The following DDX31 variants were observed in gnomAD, a reference collection of about 807,000 sequenced individuals.
DDX31 encodes ATP-dependent DNA helicase DDX31.
A neutral mutation model predicts 91.3 loss-of-function variants in DDX31; 70 were observed. The ratio of observed to expected loss-of-function variants is 0.77; its 90% CI spans 0.63 to 0.94. The LOEUF (loss-of-function observed/expected upper bound fraction) is 0.94, where lower values mean the gene tolerates loss of function less well. Ranked by LOEUF, DDX31 falls within the 40% of genes least tolerant of loss-of-function variation. The probability of loss-of-function intolerance (pLI) is 0.00; values close to 1 mark genes in which losing one functional copy is unlikely to be tolerated. For missense variants in DDX31, 902 were observed against 925.0 expected, an observed-to-expected ratio of 0.98 and a Z score of 0.32; for synonymous variants, 362 against 350.6, an observed-to-expected ratio of 1.03 and a Z score of -0.36.
intron 18 of DDX31, among the ~76,000 whole-genome samples, chr9:132,615,998 G>T (rs1174231971): frequency 6.6e-6 from 1 of 152,240 alleles, no homozygotes; most frequent in Non-Finnish European, 1.5e-5. Context: ...AGTCAATAGT[G>T]GGGAATTTGC....
intron 19 of DDX31, among the ~76,000 whole-genome samples, chr9:132,605,573 C>T (rs1330449827): frequency 2.0e-5 from 3 of 152,150 alleles, no homozygotes; most frequent in African/African-American, 7.2e-5. Context: ...GCTATACTTT[C>T]GAGGAGGGGC....
rs1384476168 is a variant in DDX31 at position 132,642,013 on chromosome 9, A to G, written c.1431T>C (p.Leu477=). 1 of 1,614,130 alleles carries G rather than the reference A, an allele frequency of 6.2e-7. No homozygotes were observed. Among genetic ancestry groups the G allele is most frequent in the Non-Finnish European group, 8.5e-7 (1 of 1,179,952 alleles). ...QEFSHSRRGV[L]LCTDVAARGL... is the part of the protein sequence containing the mutation. Reference sequence around the variant, plus strand: ...ACAGGAGGATACGTACCGTGCAAAGAAGGACGCCTCTTCTGGAATGTGAAA... The same window carrying G: ...ACAGGAGGATACGTACCGTGCAAAGGAGGACGCCTCTTCTGGAATGTGAAA... Residue 477 remains leucine (L), a synonymous_variant, in exon 14 of 20, where the codon CTT becomes CTC. Coordinates refer to ENST00000372159, the MANE Select transcript of DDX31 (RefSeq NM_022779.9).
Position 132,646,055 on chromosome 9 carries a change from T to C in DDX31, c.1220A>G (p.Lys407Arg). 1 of 1,614,068 alleles carries C rather than the reference T, an allele frequency of 6.2e-7. No individual in the cohort carries two copies. The highest frequency in any genetic ancestry group is 8.5e-7 in the Non-Finnish European group (1 of 1,179,960). The change falls in exon 13 of 20, where the codon AAG becomes AGG. Residue 407 changes from lysine (K) to arginine (R), a missense_variant. By Grantham distance (26) the Lys-to-Arg change is conservative (BLOSUM62 2). Coordinates refer to ENST00000372159, the MANE Select transcript of DDX31 (RefSeq NM_022779.9). ...GCAACTTGAGAAAAAGACAACCATC[T>C]TCTGGTCTTCCTCAAACTACATCGA... ...LQKCKFEEDQ[K>R]MVVFFSSCEL...
chr9:132,660,717 G>A (rs558683145), intron 4 of DDX31, among the ~76,000 whole-genome samples: 1 of 152,186 alleles, frequency 6.6e-6, no homozygotes, highest in Non-Finnish European at 1.5e-5. Flanking sequence ...ATGCACAGAA[G>A]CACAAATACT....
intron 19 of DDX31, among the ~76,000 whole-genome samples, chr9:132,606,277 G>T (rs1831016622): frequency 6.6e-6 from 1 of 152,214 alleles, no homozygotes; most frequent in Non-Finnish European, 1.5e-5. Context: ...CTAATTAAGT[G>T]ATATTAGGGA....
At chr9:132,629,835 C>T (rs1263577576) in intron 16 of DDX31, among the ~76,000 whole-genome samples, 1 of 152,118 alleles carries the variant, frequency 6.6e-6, no homozygotes, top group Non-Finnish European at 1.5e-5. Context: ...AATCATTTCC[C>T]CTGGGTTCAT....
At chr9:132,645,340 C>A (rs139098251) in intron 13 of DDX31, among the ~76,000 whole-genome samples, 39 of 152,230 alleles carry the variant, frequency 2.6e-4, no homozygotes, top group African/African-American at 8.9e-4. Context: ...TACTCCGTGC[C>A]GAGAAAGAAC....
At chr9:132,637,864 A>G (rs570323550) in intron 14 of DDX31, 2 of 987,252 alleles carry the variant, frequency 2.0e-6, no homozygotes, top group Admixed American at 1.2e-4. Flanking sequence ...CCCAGAGAAA[A>G]GCACGAAAGT....
chr9:132,662,925 C>A (rs1317927805), intron 1 of DDX31, among the ~76,000 whole-genome samples: 1 of 152,166 alleles, frequency 6.6e-6, no homozygotes, highest in Non-Finnish European at 1.5e-5. Flanking sequence ...ATCTACCAGA[C>A]CTCACCAGCC....
At chr9:132,661,185 C>T (rs1411358966) in intron 4 of DDX31, 23 bp downstream of exon 4, 1 of 1,604,360 alleles carries the variant, frequency 6.2e-7, no homozygotes, top group African/African-American at 1.3e-5. Context: ...CCTAAGAAAT[C>T]AAGAGGAGCC....
chr9:132,669,306 A>T (rs2130880841), intron 1 of DDX31, among the ~76,000 whole-genome samples: 1 of 144,116 alleles, frequency 6.9e-6, no homozygotes, highest in Admixed American at 7.1e-5. Context: ...GTGGCAAAGA[A>T]ACATGTTTAG....
chr9:132,606,638 G>T (rs1831041626), intron 19 of DDX31, among the ~76,000 whole-genome samples: 1 of 152,176 alleles, frequency 6.6e-6, no homozygotes, highest in Admixed American at 6.5e-5. Flanking sequence ...AGGGCGACTT[G>T]AGTACCTCCC....
At chr9:132,618,475 A>C (rs1464935445) in intron 17 of DDX31, 34 bp from the exon 18 acceptor site, 1 of 1,576,516 alleles carries the variant, frequency 6.3e-7, no homozygotes, top group Non-Finnish European at 8.7e-7. Context: ...AAGGAGAGAT[A>C]GAGTCAAGGT....
At chr9:132,647,218 G>A (rs186058533) in intron 11 of DDX31, among the ~76,000 whole-genome samples, 160 bp from the exon 12 acceptor site, 88 of 152,012 alleles carry the variant, frequency 5.8e-4, no homozygotes, top group African/African-American at 1.8e-3. Flanking sequence ...TAGTGCCAAC[G>A]TGTGTGTTGC....
intron 19 of DDX31, among the ~76,000 whole-genome samples, chr9:132,609,337 A>G (rs1831196264): frequency 6.6e-6 from 1 of 152,134 alleles, no homozygotes; most frequent in Non-Finnish European, 1.5e-5. Context: ...TCACAGGGGT[A>G]TCGTGGTCTT....
At chr9:132,609,993 T>C (rs1393215584) in intron 19 of DDX31, among the ~76,000 whole-genome samples, 1 of 152,210 alleles carries the variant, frequency 6.6e-6, no homozygotes, top group Non-Finnish European at 1.5e-5. Context: ...ATTGCCGAGA[T>C]GGTAACAAAA....
At chr9:132,632,894 T>C (rs567596655) in intron 14 of DDX31, among the ~76,000 whole-genome samples, 61 of 152,298 alleles carry the variant, frequency 4.0e-4, no homozygotes, top group African/African-American at 1.5e-3. Context: ...CTCTCTCTAG[T>C]CTCTCACCAT....
rs756832277 is a variant in DDX31, at chr9:132,612,256, C to G, written c.1826-1G>C. 2.5e-6 allele frequency: 4 copies of G among 1,614,138 alleles called. No homozygotes were observed. Among genetic ancestry groups the G allele is most frequent in the Middle Eastern group, 1.7e-4 (1 of 6,054 alleles). Reference sequence around the variant, plus strand: ...TAGGCTTGGATGAAGGACTGCAGAGCTGAAAGAAAAGAGAGCGGGGAGGGA... The same window carrying G: ...TAGGCTTGGATGAAGGACTGCAGAGGTGAAAGAAAAGAGAGCGGGGAGGGA... On this transcript the variant is annotated splice_acceptor_variant, in intron 18 of 19. Transcript: ENST00000372159. LOFTEE classifies it high-confidence loss of function.
At chr9:132,634,883 G>A (rs1420279265) in intron 14 of DDX31, among the ~76,000 whole-genome samples, 1 of 152,100 alleles carries the variant, frequency 6.6e-6, no homozygotes. Context: ...GCCTCTTACA[G>A]TTGTTTTTCT....
Sources: gnomAD v4.1 joint callset for allele counts (sites outside exome capture counted in the v4.1 genomes callset) on GRCh38, gnomAD v4.1.1 for gene constraint, MANE v1.5 for transcripts, NCBI Gene and HGNC (gene_info 2026-07-23, HGNC 2026-07-21) for gene names.